DHRS7C: variants seen among roughly 807,000 people sequenced by gnomAD.
DHRS7C encodes the protein dehydrogenase/reductase 7C.
Under a neutral mutation model 29.6 loss-of-function variants are expected in DHRS7C, and 28 were observed. That is an observed-to-expected ratio of 0.95 (90% confidence interval 0.70 to 1.30). The LOEUF (loss-of-function observed/expected upper bound fraction) is 1.30, where lower values mean the gene tolerates loss of function less well. DHRS7C is among the 50% of genes most tolerant of loss of function. The probability of loss-of-function intolerance (pLI) is 0.00; values close to 1 mark genes in which losing one functional copy is unlikely to be tolerated. For synonymous variants in DHRS7C, 158 were observed against 160.2 expected (o/e 0.99, Z 0.10); for missense variants, 403 against 393.3 (o/e 1.02, Z -0.21).
At chr17:9,786,986 C>T (rs2066427608) in intron 1 of DHRS7C, among the ~76,000 whole-genome samples, 1 of 151,992 alleles carries the variant, frequency 6.6e-6, no homozygotes, top group African/African-American at 2.4e-5. Context: ...ATTCTTGTTG[C>T]CCAGGCTGGA....
intron 1 of DHRS7C, among the ~76,000 whole-genome samples, chr17:9,784,946 G>A (rs2066415061): frequency 6.6e-6 from 1 of 152,208 alleles, no homozygotes; most frequent in Non-Finnish European, 1.5e-5. Context: ...TCAAAACAGT[G>A]TGTTGAATAC....
chr17:9,773,579 G>C (rs541704057), intron 4 of DHRS7C, among the ~76,000 whole-genome samples: 1 of 152,230 alleles, frequency 6.6e-6, no homozygotes, highest in African/African-American at 2.4e-5. Flanking sequence ...CACATTTTAG[G>C]GGTGTCAGTC....
intron 3 of DHRS7C, among the ~76,000 whole-genome samples, chr17:9,777,737 A>G (rs924918704): frequency 2.0e-5 from 3 of 152,092 alleles, no homozygotes; most frequent in Non-Finnish European, 4.4e-5. Flanking sequence ...TATGGAAGGA[A>G]GAAGGAAGAA....
In DHRS7C at chr17:9,775,890, C is replaced by T. The variant is rs1391035111; in HGVS notation, c.571+1303G>A. ...TAGGCTGCGTCCTACTCTAATCTGA[C>T]TGGTGCTATTGTAAGAAGAGGAAAT... On this transcript the variant is annotated intron_variant, in intron 4 of 5. Coordinates refer to ENST00000571134, the MANE Select transcript of DHRS7C (RefSeq NM_001105571.3). The surrounding 1 kb of genome is among the most constrained non-coding windows in gnomAD (Gnocchi z 4.2). 1.3e-5 allele frequency among the ~76,000 whole-genome samples: 2 copies of T among 152,128 alleles called. No individual in the cohort carries two copies. The highest frequency in any genetic ancestry group is 2.9e-5 in the Non-Finnish European group (2 of 68,020).
At position 9,771,468 on chromosome 17, in the gene DHRS7C, G is replaced by T. The variant is rs1390073371; in HGVS notation, c.*20C>A. 1.4e-6 allele frequency: 2 copies of T among 1,470,258 alleles called. No homozygotes were observed. Among genetic ancestry groups the T allele is most frequent in the African/African-American group, 2.9e-5 (2 of 69,936 alleles). The allele number at this position is 1,470,258 out of a possible 1,614,324, so 91.1% of individuals were successfully genotyped here. On this transcript the variant is annotated 3_prime_UTR_variant, in exon 6 of 6. Transcript: ENST00000571134. ...GAAAAACCTTTATTTCCAAGGGGTG[G>T]CCCATTTGGCCTCCTGCAGTTACCC...
In DHRS7C at chr17:9,781,576, T is replaced by TG. The variant is rs1334516173; in HGVS notation, c.172dup (p.His58ProfsTer22). Reference sequence around the variant, plus strand: ...CAGCACCAGCCTTGCCCCACCTGTGTGGAACACCCGAGCACACTCTGTGGG... The same window carrying TG: ...CAGCACCAGCCTTGCCCCACCTGTGTGGGAACACCCGAGCACACTCTGTGGG... On this transcript the variant is annotated frameshift_variant, in exon 2 of 6. Coordinates refer to ENST00000571134, the MANE Select transcript of DHRS7C (RefSeq NM_001105571.3). LOFTEE classifies it high-confidence loss of function. 1.5e-5 allele frequency: 25 copies of TG among 1,613,862 alleles called. No individual in the cohort carries two copies. The highest frequency in any genetic ancestry group is 2.0e-5 in the Non-Finnish European group (24 of 1,179,862).
chr17:9,779,897 G>A lies in DHRS7C; in HGVS notation c.406C>T (p.His136Tyr), dbSNP rs777736837. The A allele has an allele frequency of 1.5e-5, 25 of 1,613,856 alleles. No individual in the cohort carries two copies. Among genetic ancestry groups the A allele is most frequent in the Non-Finnish European group, 2.1e-5 (25 of 1,179,856 alleles). The part of the protein sequence containing the change: ...NASVKVKGPA[H>Y]KISLELDKKI... ...TTGTCGAGCTCCAGAGAAATCTTAT[G>A]GGCAGGCCCCTTCACCTTCACACTG... Residue 136 changes from histidine to tyrosine, a missense_variant, in exon 3 of 6, where the codon CAT (histidine) becomes TAT (tyrosine). Physicochemically the swap from His to Tyr is moderately conservative, Grantham distance 83. Coordinates refer to ENST00000571134, the MANE Select transcript of DHRS7C (RefSeq NM_001105571.3).
intron 1 of DHRS7C, chr17:9,783,126 A>G (rs1251821294): frequency 6.6e-6 from 1 of 152,320 alleles, no homozygotes; most frequent in African/African-American, 2.4e-5. Context: ...AGTTGTGGGG[A>G]TAAGAGGTCT....
At chr17:9,787,541 T>G (rs1234448522) in intron 1 of DHRS7C, among the ~76,000 whole-genome samples, 2 of 152,188 alleles carry the variant, frequency 1.3e-5, no homozygotes, top group Non-Finnish European at 2.9e-5. Context: ...TTATTTCTAT[T>G]CTTTTATCAG....
In DHRS7C at chr17:9,780,044, C is replaced by T; in HGVS notation, c.268-9G>A. On this transcript the variant is annotated splice_polypyrimidine_tract_variant and intron_variant, in intron 2 of 5. Transcript: ENST00000571134. The stretch of plus-strand genomic sequence containing the variant: ...AGCTTTGGGGTGAATGTCTGCTGAA[C>T]CAATGAGAGAGTCAGGGTATGTGTG... The T allele has an allele frequency of 6.2e-7, 1 of 1,612,318 alleles. No individual in the cohort carries two copies. Among genetic ancestry groups the T allele is most frequent in the Non-Finnish European group, 8.5e-7 (1 of 1,179,372 alleles).
Position 9,779,988 on chromosome 17 carries a change from A to G in DHRS7C, c.315T>C (p.Cys105=), listed in dbSNP as rs1163571464. Residue 105 remains cysteine (C), a synonymous_variant, in exon 3 of 6, where the codon TGT becomes TGC. Coordinates refer to ENST00000571134, the MANE Select transcript of DHRS7C (RefSeq NM_001105571.3). ...LVLLDLSDIS[C]VPDVAKEVLD... ...GGACTTCTTTTGCCACATCTGGGACACAGCTGATGTCTGAGAGGTCCAACA... is the reference window on the plus strand; with the variant it reads ...GGACTTCTTTTGCCACATCTGGGACGCAGCTGATGTCTGAGAGGTCCAACA... The G allele has an allele frequency of 1.9e-6, 3 of 1,613,850 alleles. No homozygotes were observed. Among genetic ancestry groups the G allele is most frequent in the Non-Finnish European group, 2.5e-6 (3 of 1,179,896 alleles).
Position 9,771,603 on chromosome 17 carries a change from A to G in DHRS7C, c.821T>C (p.Met274Thr). The G allele has an allele frequency of 6.2e-7, 1 of 1,601,182 alleles. No individual in the cohort carries two copies. Among genetic ancestry groups the G allele is most frequent in the Non-Finnish European group, 8.5e-7 (1 of 1,173,264 alleles). The change falls in exon 6 of 6, where the codon ATG (methionine) becomes ACG (threonine). Residue 274 changes from methionine (M) to threonine (T), a missense_variant. Coordinates refer to ENST00000571134, the MANE Select transcript of DHRS7C (RefSeq NM_001105571.3). ...TVRRKKQEVFMANPIPKAAVY... is the reference protein window; with the variant it reads ...TVRRKKQEVFTANPIPKAAVY... ...GGCGGCCTTGGGGATGGGGTTGGCCATAAACACCTCTTGCTTCTTCCTCCG... is the reference window on the plus strand; with the variant it reads ...GGCGGCCTTGGGGATGGGGTTGGCCGTAAACACCTCTTGCTTCTTCCTCCG...
At chr17:9,783,630 A>G (rs2152017685) in intron 1 of DHRS7C, among the ~76,000 whole-genome samples, 1 of 152,352 alleles carries the variant, frequency 6.6e-6, no homozygotes, top group Middle Eastern at 3.4e-3. Context: ...TTAGTGTATG[A>G]TAAAGTTAAC....
Position 9,781,472 on chromosome 17 carries a change from A to G in DHRS7C, c.267+10T>C. 6.2e-7 allele frequency: 1 copy of G among 1,613,680 alleles called. No homozygotes were observed. Among genetic ancestry groups the G allele is most frequent in the South Asian group, 1.1e-5 (1 of 91,054 alleles). On this transcript the variant is annotated intron_variant, in intron 2 of 5. Transcript: ENST00000571134. ...AGGAGTTACCCACGCCTACTGCTAG[A>G]AGACCTTACCTTGCTGGGGTCAGCC...
rs2066354067 is a variant in DHRS7C at position 9,775,015 on chromosome 17, A to G, written c.572-2093T>C. 6.6e-6 allele frequency among the ~76,000 whole-genome samples: 1 copy of G among 152,200 alleles called. No individual in the cohort carries two copies. The highest frequency in any genetic ancestry group is 1.5e-5 in the Non-Finnish European group (1 of 68,032). On this transcript the variant is annotated intron_variant, in intron 4 of 5. Coordinates refer to ENST00000571134, the MANE Select transcript of DHRS7C (RefSeq NM_001105571.3). The surrounding 1 kb of genome is among the most constrained non-coding windows in gnomAD (Gnocchi z 4.2). ...CTGAGTCCCCAATACTGTGTTTTGC[A>G]AATGTTCCCAGGAAACTCGTGCATT...
intron 3 of DHRS7C, among the ~76,000 whole-genome samples, chr17:9,778,607 G>C (rs548224768): frequency 6.6e-6 from 1 of 152,264 alleles, no homozygotes; most frequent in East Asian, 1.9e-4. Flanking sequence ...ACCGGTGCTG[G>C]CCTGTTTGCT....
At position 9,774,053 on chromosome 17, in the gene DHRS7C, C is replaced by T. The variant is rs990448905; in HGVS notation, c.572-1131G>A. On this transcript the variant is annotated intron_variant, in intron 4 of 5. Transcript: ENST00000571134. This position sits in a 1 kb window ranked among gnomAD's most constrained non-coding sequence, Gnocchi z 5.0. ...ATGCACTTTAAACGGATACATTGTG[C>T]GGTATGTGAATTACACAGCCAATAC... Among the ~76,000 whole-genome samples the T allele has an allele frequency of 8.5e-5, 13 of 152,112 alleles. No homozygotes were observed. Among genetic ancestry groups the T allele is most frequent in the African/African-American group, 2.7e-4 (11 of 41,424 alleles).
chr17:9,772,709 G>A (rs917063199), intron 5 of DHRS7C, 58 bp downstream of exon 5: 2 of 1,582,896 alleles, frequency 1.3e-6, no homozygotes, highest in African/African-American at 2.7e-5. Context: ...CATCCCCCCA[G>A]TGACACCGGA....
rs576809217 is a variant in DHRS7C, at chr17:9,772,202, C to T, written c.728-506G>A. ...CACTGATTGATAGAGGGGCTGGTTG[C>T]TATTCCAGAACCTTCAGTCCTTCCA... On this transcript the variant is annotated intron_variant, in intron 5 of 5. Transcript: ENST00000571134. Among the ~76,000 whole-genome samples, 8 of 152,282 alleles carry T rather than the reference C, an allele frequency of 5.3e-5. No homozygotes were observed. In the South Asian group the frequency reaches 1.7e-3, roughly 32 times the overall value.
Sources: gnomAD v4.1 joint callset for allele counts (sites outside exome capture counted in the v4.1 genomes callset) on GRCh38, gnomAD v4.1.1 for gene constraint, Gnocchi (gnomAD v3.1) non-coding constraint, MANE v1.5 for transcripts, NCBI Gene and HGNC (gene_info 2026-07-23, HGNC 2026-07-21) for gene names.